Variants in DST observed in about 807,000 individuals in gnomAD.
DST encodes bullous pemphigoid antigen.
A neutral mutation model predicts 875.2 loss-of-function variants in DST; 253 were observed. That is an observed-to-expected ratio of 0.29 (90% CI 0.26 to 0.32). The LOEUF (loss-of-function observed/expected upper bound fraction) is 0.32, where lower values mean the gene tolerates loss of function less well. DST is among the 10% of genes least tolerant of loss of function. DST has a pLI of 1.00. For missense variants in DST, 8,287 were observed against 9,111.6 expected, an observed-to-expected ratio of 0.91 and a Z score of 3.68; for synonymous variants, 3,124 against 3,197.1, an observed-to-expected ratio of 0.98 and a Z score of 0.77.
At position 56,615,527 on chromosome 6, in the gene DST, T is replaced by C. The variant is rs759049357; in HGVS notation, c.4930-1043A>G. Reference sequence around the variant, plus strand: ...TTTAAACATGTCCCATTAGGAAGAATAGTAGAGGCTAGAAATTCCTGTCAT... The same window carrying C: ...TTTAAACATGTCCCATTAGGAAGAACAGTAGAGGCTAGAAATTCCTGTCAT... On this transcript the variant is annotated intron_variant, in intron 36 of 103. Coordinates refer to ENST00000680361, the MANE Select transcript of DST (RefSeq NM_001374736.1). 2.5e-6 allele frequency: 4 copies of C among 1,614,082 alleles called. No homozygotes were observed. The highest frequency in any genetic ancestry group is 2.2e-5 in the East Asian group (1 of 44,876).
At chr6:56,893,397 C>T (rs1024136162) in intron 3 of DST, among the ~76,000 whole-genome samples, 2 of 152,032 alleles carry the variant, frequency 1.3e-5, no homozygotes, top group Non-Finnish European at 2.9e-5. Context: ...TTTATCCACT[C>T]GTTGATTGAT....
rs140393331 is a variant in DST, at chr6:56,856,625, T to TA, written c.418-5022dup. 6.9e-3 allele frequency among the ~76,000 whole-genome samples: 1,056 copies of TA among 152,260 alleles called. 15 individuals carry two copies. Among genetic ancestry groups the TA allele is most frequent in the African/African-American group, 0.024 (1,005 of 41,564 alleles). ...CAAAAAGGAGGAATTGTTCTAGATTTAAAAGGACAAAAGAGACACAACCAA... is the reference window on the plus strand; with the variant it reads ...CAAAAAGGAGGAATTGTTCTAGATTTAAAAAGGACAAAAGAGACACAACCAA... On this transcript the variant is annotated intron_variant, in intron 3 of 103. Coordinates refer to ENST00000680361, the MANE Select transcript of DST (RefSeq NM_001374736.1).
intron 64 of DST, among the ~76,000 whole-genome samples, 163 bp from the exon 65 acceptor site, chr6:56,530,296 C>A (rs1035688798): frequency 6.6e-6 from 1 of 152,110 alleles, no homozygotes; most frequent in Non-Finnish European, 1.5e-5. Context: ...TAAAACAATT[C>A]TTCTGTTAAA....
At chr6:56,871,764 T>C (rs958031481) in intron 3 of DST, 1 of 125,904 alleles carries the variant, frequency 7.9e-6, no homozygotes, top group Non-Finnish European at 1.4e-5. Flanking sequence ...TTAAAATAAA[T>C]ACAATTAAAA....
chr6:56,729,963 C>T (rs138513930), intron 5 of DST, among the ~76,000 whole-genome samples: 93 of 152,246 alleles, frequency 6.1e-4, no homozygotes, highest in African/African-American at 2.1e-3. Context: ...AGATGACTAA[C>T]AAACAGAGTG....
chr6:56,488,216 A>T (rs925100868), intron 86 of DST, among the ~76,000 whole-genome samples: 1 of 152,226 alleles, frequency 6.6e-6, no homozygotes, highest in African/African-American at 2.4e-5. Flanking sequence ...CACAAAGCAG[A>T]TATACAAAAA....
chr6:56,607,267 G>A lies in DST; in HGVS notation c.7361C>T (p.Thr2454Ile), dbSNP rs1340234212. 1.9e-6 allele frequency: 3 copies of A among 1,613,422 alleles called. No homozygotes were observed. Among genetic ancestry groups the A allele is most frequent in the South Asian group, 2.2e-5 (2 of 91,052 alleles). The change falls in exon 40 of 104, where the codon ACA becomes ATA. Residue 2454 changes from threonine (T) to isoleucine (I), a missense_variant. By Grantham distance (89) the Thr-to-Ile change is moderately conservative. Around this residue, in one of 10 missense-constraint regions of DST, gnomAD observed 3,138 missense variants for 3,116.6 expected, o/e 1.01. Coordinates refer to ENST00000680361, the MANE Select transcript of DST (RefSeq NM_001374736.1). ...LMHSQGSFND[T>I]HTPESNGNKC... ...ATTTCCATTGCTCTCTGGGGTGTGT[G>A]TATCATTAAAACTTCCCTGACTGTG...
At chr6:56,798,478 T>C (rs2153017328) in intron 4 of DST, among the ~76,000 whole-genome samples, 1 of 152,334 alleles carries the variant, frequency 6.6e-6, no homozygotes, top group African/African-American at 2.4e-5. Flanking sequence ...AAGCTCACTA[T>C]TGAGATTGCT....
At chr6:56,769,986 T>C (rs1349092356) in intron 4 of DST, among the ~76,000 whole-genome samples, 2 of 152,204 alleles carry the variant, frequency 1.3e-5, no homozygotes, top group Non-Finnish European at 2.9e-5. Flanking sequence ...AGGAAATCAA[T>C]ACAGTTACAT....
intron 57 of DST, 90 bp from the exon 58 acceptor site, chr6:56,560,513 A>G (rs893461986): frequency 2.1e-5 from 28 of 1,329,718 alleles, no homozygotes; most frequent in Non-Finnish European, 2.6e-5. Context: ...TAGAATAATG[A>G]AAAGAGGAAA....
At chr6:56,484,847 G>A (rs769225239) in intron 88 of DST, 40 of 155,310 alleles carry the variant, frequency 2.6e-4, no homozygotes, top group Non-Finnish European at 1.4e-4. Context: ...AAGGGGCAAG[G>A]TTAAAACAGT....
chr6:56,583,620 T>C (rs578201850), intron 49 of DST, among the ~76,000 whole-genome samples: 2 of 152,350 alleles, frequency 1.3e-5, no homozygotes, highest in East Asian at 3.9e-4. Flanking sequence ...ATTTGTCAAT[T>C]TTGGCTTTTG....
intron 50 of DST, among the ~76,000 whole-genome samples, chr6:56,577,940 A>G (rs1225716788): frequency 2.6e-5 from 4 of 152,054 alleles, no homozygotes; most frequent in African/African-American, 9.7e-5. Flanking sequence ...GGCTTAAATG[A>G]TCCTCCCCAA....
intron 69 of DST, among the ~76,000 whole-genome samples, chr6:56,520,183 T>C (rs139112396): frequency 0.025 from 3,844 of 151,784 alleles, 74 homozygotes; most frequent in Non-Finnish European, 0.043. Flanking sequence ...CACTTAGAAA[T>C]AGAAATGGAA....
chr6:56,469,857 A>G, intron 97 of DST, 26 bp downstream of exon 97: 1 of 1,577,296 alleles, frequency 6.3e-7, no homozygotes, highest in Non-Finnish European at 8.7e-7. Context: ...CTTTAAAGGA[A>G]CTACAACATT....
Position 56,528,941 on chromosome 6 carries a change from C to A in DST, c.17596-16G>T. The A allele has an allele frequency of 6.5e-7, 1 of 1,531,430 alleles. No homozygotes were observed. The highest frequency in any genetic ancestry group is 8.9e-7 in the Non-Finnish European group (1 of 1,121,364). 94.9% of individuals were successfully genotyped at this position (1,531,430 alleles called of 1,614,324 possible). A position where few individuals can be genotyped will look rare whatever the true frequency, so the allele number is the denominator to read the frequency against. On this transcript the variant is annotated splice_polypyrimidine_tract_variant and intron_variant, in intron 66 of 103. Transcript: ENST00000680361. ...CTTGCAGAACCTGAAAACACAGGTACCATTTTTATGTGGGGGGAAAAACAT... is the reference window on the plus strand; with the variant it reads ...CTTGCAGAACCTGAAAACACAGGTAACATTTTTATGTGGGGGGAAAAACAT...
At position 56,940,666 on chromosome 6, in the gene DST, ACCT is replaced by A. The variant is rs1816075958; in HGVS notation, c.216+13116_216+13118del. On this transcript the variant is annotated intron_variant, in intron 2 of 103. Transcript: ENST00000680361. ...GCAATCACAGCTCACTACAACCTTG[ACCT>A]CCTGGGCTCAAGAGATCCTCCCACC... 7.9e-5 allele frequency among the ~76,000 whole-genome samples: 12 copies of A among 151,374 alleles called. 1 individual carries two copies. The South Asian group carries it at 2.3e-3, about 29-fold the overall frequency.
At position 56,528,934 on chromosome 6, in the gene DST, A is replaced by G; in HGVS notation, c.17596-9T>C. Reference sequence around the variant, plus strand: ...ATGTCCTCTTGCAGAACCTGAAAACACAGGTACCATTTTTATGTGGGGGGA... The same window carrying G: ...ATGTCCTCTTGCAGAACCTGAAAACGCAGGTACCATTTTTATGTGGGGGGA... On this transcript the variant is annotated splice_polypyrimidine_tract_variant and intron_variant, in intron 66 of 103. Coordinates refer to ENST00000680361, the MANE Select transcript of DST (RefSeq NM_001374736.1). 6.4e-7 allele frequency: 1 copy of G among 1,557,762 alleles called. No homozygotes were observed. Among genetic ancestry groups the G allele is most frequent in the Non-Finnish European group, 8.7e-7 (1 of 1,142,886 alleles).
chr6:56,648,141 C>A (rs192156092), intron 13 of DST, among the ~76,000 whole-genome samples: 1 of 152,218 alleles, frequency 6.6e-6, no homozygotes, highest in Non-Finnish European at 1.5e-5. Context: ...CCTCTTCCTG[C>A]ACAAAAGATG....
Sources: allele counts gnomAD v4.1 joint callset (sites outside exome capture counted in the v4.1 genomes callset), GRCh38; gene constraint gnomAD v4.1.1; regional missense constraint gnomAD v4.1.1; transcripts MANE v1.5; gene names NCBI Gene and HGNC (gene_info 2026-07-23, HGNC 2026-07-21).